The following SLX9 variants were observed in gnomAD, a reference collection of about 807,000 sequenced individuals.
SLX9 encodes the protein SLX9 ribosome biogenesis factor.
SLX9 carries 19 observed loss-of-function variants against 20.8 expected under a neutral mutation model. That is an observed-to-expected ratio of 0.91 (90% CI 0.64 to 1.34). The LOEUF is 1.34. SLX9 is among the 40% of genes most tolerant of loss of function. The probability of loss-of-function intolerance (pLI) is 0.00; values close to 1 mark genes in which losing one functional copy is unlikely to be tolerated. For missense variants in SLX9, 299 were observed against 322.2 expected (o/e 0.93, Z 0.55); for synonymous variants, 113 against 137.1 (o/e 0.82, Z 1.23).
chr21:44,940,258 C>T (rs758511531), intron 1 of SLX9, 72 bp downstream of exon 1: 61 of 1,195,818 alleles, frequency 5.1e-5, no homozygotes, highest in Non-Finnish European at 6.1e-5. Flanking sequence ...GGCGCCGCCT[C>T]CGGGAGGGTT....
chr21:44,948,277 G>A (rs924706908), intron 2 of SLX9, among the ~76,000 whole-genome samples: 1 of 150,880 alleles, frequency 6.6e-6, no homozygotes, highest in African/African-American at 2.4e-5. Context: ...CGGGCGGTCC[G>A]GGGAGCTGGT....
intron 2 of SLX9, among the ~76,000 whole-genome samples, chr21:44,954,098 G>C (rs1164335770): frequency 6.6e-6 from 1 of 152,150 alleles, no homozygotes; most frequent in Non-Finnish European, 1.5e-5. Context: ...CACTGCCCTT[G>C]GGGTTCTGGA....
chr21:44,944,928 G>C (rs1321064483), intron 2 of SLX9, among the ~76,000 whole-genome samples: 2 of 152,250 alleles, frequency 1.3e-5, no homozygotes, highest in Non-Finnish European at 2.9e-5. Flanking sequence ...TTTTGAGTTT[G>C]AGATGAGGTA....
rs2084591727 is a variant in SLX9 at position 44,943,762 on chromosome 21, G to T, written c.208G>T (p.Asp70Tyr). 6.2e-7 allele frequency: 1 copy of T among 1,614,118 alleles called. No individual in the cohort carries two copies. The highest frequency in any genetic ancestry group is 1.3e-5 in the African/African-American group (1 of 74,940). Residue 70 changes from aspartate (D) to tyrosine (Y), a missense_variant, in exon 2 of 6, where the codon GAC becomes TAC. Physicochemically the swap from Asp to Tyr is radical, Grantham distance 160. Transcript: ENST00000291634. Reference sequence around the variant, plus strand: ...CGCCTTGGTGCAGAAGCTGGAGCTGGACGTGAGGAGTGTCACTTCCGTCAG... The same window carrying T: ...CGCCTTGGTGCAGAAGCTGGAGCTGTACGTGAGGAGTGTCACTTCCGTCAG... Reference protein sequence around the residue: ...PSALVQKLELDVRSVTSVRRG... With the variant: ...PSALVQKLELYVRSVTSVRRG...
chr21:44,939,923 G>A, upstream of SLX9: 1 of 946,418 alleles, frequency 1.1e-6, no homozygotes, highest in Middle Eastern at 3.6e-4. Context: ...CCCTGCGCCC[G>A]CCCGAGCCGC....
intron 2 of SLX9, among the ~76,000 whole-genome samples, chr21:44,948,805 T>A (rs2084698763): frequency 6.6e-6 from 1 of 152,224 alleles, no homozygotes; most frequent in Admixed American, 6.5e-5. Flanking sequence ...TTTCACCTAC[T>A]TGGCCTGGCA....
At chr21:44,940,978 A>G (rs1042981111) in intron 1 of SLX9, among the ~76,000 whole-genome samples, 1 of 151,002 alleles carries the variant, frequency 6.6e-6, no homozygotes, top group African/African-American at 2.5e-5. Flanking sequence ...TCTTAATTCA[A>G]GTTTACTGAT....
chr21:44,961,128 C>T (rs547864702), intron 3 of SLX9, among the ~76,000 whole-genome samples: 1 of 152,290 alleles, frequency 6.6e-6, no homozygotes, highest in East Asian at 1.9e-4. Context: ...CCTAGCATAG[C>T]TGTGAAAGTG....
chr21:44,940,890 T>C (rs2084533125), intron 1 of SLX9, among the ~76,000 whole-genome samples: 1 of 152,188 alleles, frequency 6.6e-6, no homozygotes, highest in Non-Finnish European at 1.5e-5. Context: ...AATATGTACG[T>C]CGTGCTTAAT....
At chr21:44,970,520 G>C (rs901665006) in intron 4 of SLX9, among the ~76,000 whole-genome samples, 1 of 152,196 alleles carries the variant, frequency 6.6e-6, no homozygotes, top group African/African-American at 2.4e-5. Flanking sequence ...TATTGCAGGA[G>C]GTGTGAGACC....
chr21:44,944,067 C>G (rs1324901299), intron 2 of SLX9, among the ~76,000 whole-genome samples: 1 of 152,272 alleles, frequency 6.6e-6, no homozygotes. Flanking sequence ...GCTCTGCGTC[C>G]TGGCAGCCAC....
intron 2 of SLX9, 143 bp from the exon 3 acceptor site, chr21:44,959,957 C>G: frequency 1.4e-6 from 1 of 710,084 alleles, no homozygotes. Flanking sequence ...TGTCCAGAGC[C>G]GGGAGTCTGA....
At chr21:44,966,912 A>T in intron 3 of SLX9, 122 bp from the exon 4 acceptor site, 2 of 1,291,998 alleles carry the variant, frequency 1.5e-6, no homozygotes, top group Non-Finnish European at 2.2e-6. Context: ...TGGGGGTGAC[A>T]GCGGGAAGGA....
chr21:44,958,625 G>A (rs1328914624), intron 2 of SLX9, among the ~76,000 whole-genome samples: 1 of 152,242 alleles, frequency 6.6e-6, no homozygotes, highest in Non-Finnish European at 1.5e-5. Context: ...AGGCTAGAAG[G>A]GGGAGCAGGC....
At chr21:44,960,803 C>A (rs751324256) in intron 3 of SLX9, among the ~76,000 whole-genome samples, 4 of 152,214 alleles carry the variant, frequency 2.6e-5, no homozygotes, top group Admixed American at 1.3e-4. Context: ...TTTGGAGTAT[C>A]TCCTTATTTT....
chr21:44,963,779 T>G (rs1449488515), intron 3 of SLX9, among the ~76,000 whole-genome samples: 1 of 152,250 alleles, frequency 6.6e-6, no homozygotes, highest in African/African-American at 2.4e-5. Flanking sequence ...TGTTGTACCT[T>G]AGCAAAAACC....
At chr21:44,939,746 G>A (rs183394595), upstream of SLX9, 2,097 of 539,114 alleles carry the variant, frequency 3.9e-3, 15 homozygotes, top group Non-Finnish European at 4.5e-3. Flanking sequence ...CTGCCGCGGG[G>A]GTCGCGTCCT....
At position 44,952,530 on chromosome 21, in the gene SLX9, A is replaced by T. The variant is rs1175712626; in HGVS notation, c.284-7570A>T. On this transcript the variant is annotated intron_variant, in intron 2 of 5. Transcript: ENST00000291634. ...CCTTCTCCCCTGCAGGTCTGGCCCC[A>T]GCTGCTTCAGGACCGCCCTCCCATG... Among the ~76,000 whole-genome samples, 3 of 152,290 alleles carry T rather than the reference A, an allele frequency of 2.0e-5. No individual in the cohort carries two copies. The East Asian group carries it at 5.8e-4, about 30-fold the overall frequency.
At chr21:44,946,349 G>T (rs533845614) in intron 2 of SLX9, among the ~76,000 whole-genome samples, 2 of 152,162 alleles carry the variant, frequency 1.3e-5, no homozygotes, top group African/African-American at 4.8e-5. Flanking sequence ...CCCTGAGCTC[G>T]TGCTGACAGT....
Sources: allele counts gnomAD v4.1 joint callset (sites outside exome capture counted in the v4.1 genomes callset), GRCh38; gene constraint gnomAD v4.1.1; transcripts MANE v1.5; gene names NCBI Gene and HGNC (gene_info 2026-07-23, HGNC 2026-07-21).